The following AGBL1 variants were observed in gnomAD, a reference collection of about 807,000 sequenced individuals.
AGBL1 encodes AGBL carboxypeptidase 1, also known as cytosolic carboxypeptidase 4.
Under a neutral mutation model 118.9 loss-of-function variants are expected in AGBL1, and 130 were observed. The ratio of observed to expected loss-of-function variants is 1.09; its 90% CI spans 0.95 to 1.26. AGBL1 has a LOEUF of 1.26. AGBL1 is among the 50% of genes most tolerant of loss of function. The pLI is 0.00. For missense variants in AGBL1, 1,584 were observed against 1,298.1 expected, an observed-to-expected ratio of 1.22 and a Z score of -3.38; for synonymous variants, 555 against 478.9, an observed-to-expected ratio of 1.16 and a Z score of -2.08.
At chr15:86,894,795 C>T (rs545730482) in intron 22 of AGBL1, among the ~76,000 whole-genome samples, 3 of 152,244 alleles carry the variant, frequency 2.0e-5, no homozygotes, top group Admixed American at 2.0e-4. Context: ...ACAAAGTGCT[C>T]AAACAAGTTA....
At chr15:86,417,717 TA>T (rs1361877872) in intron 18 of AGBL1, among the ~76,000 whole-genome samples, 2 of 152,092 alleles carry the variant, frequency 1.3e-5, no homozygotes, top group African/African-American at 4.8e-5. Flanking sequence ...GTGTGTGCAG[TA>T]GAAGCAGGGA....
intron 18 of AGBL1, among the ~76,000 whole-genome samples, chr15:86,409,214 C>T (rs1028957343): frequency 1.1e-4 from 16 of 152,122 alleles, no homozygotes; most frequent in Admixed American, 6.5e-5. Flanking sequence ...TTGGTGCAAC[C>T]GTCCAAACCT....
intron 19 of AGBL1, among the ~76,000 whole-genome samples, chr15:86,524,488 A>G (rs796789312): frequency 1.3e-5 from 2 of 152,312 alleles, no homozygotes; most frequent in African/African-American, 4.8e-5. Flanking sequence ...CTCTCCAGCA[A>G]CAATATGGGT....
chr15:86,430,450 AC>A (rs538765052), intron 18 of AGBL1, among the ~76,000 whole-genome samples: 63 of 151,176 alleles, frequency 4.2e-4, no homozygotes, highest in Non-Finnish European at 6.9e-4. Flanking sequence ...AGCCGAGATC[AC>A]GCCACTGCAC....
At chr15:86,120,592 G>A (rs991796060) in intron 1 of AGBL1, among the ~76,000 whole-genome samples, 5 of 152,264 alleles carry the variant, frequency 3.3e-5, no homozygotes, top group Non-Finnish European at 4.4e-5. Context: ...AACAGCCTGC[G>A]CTTTTCTGTT....
intron 24 of AGBL1, among the ~76,000 whole-genome samples, chr15:87,002,155 A>C (rs1430845365): frequency 6.6e-6 from 1 of 152,034 alleles, no homozygotes; most frequent in African/African-American, 2.4e-5. Flanking sequence ...TAATTTTTGT[A>C]TAAGGTATAA....
At chr15:86,508,210 C>G (rs1006847806) in intron 18 of AGBL1, among the ~76,000 whole-genome samples, 1 of 151,972 alleles carries the variant, frequency 6.6e-6, no homozygotes, top group Non-Finnish European at 1.5e-5. Flanking sequence ...GCGTGAACCA[C>G]TGTGCCCCAC....
chr15:86,271,726 G>T lies in AGBL1; in HGVS notation c.2075+20G>T. On this transcript the variant is annotated intron_variant, in intron 15 of 22. Transcript: ENST00000614907. ...TTACAAGTAAGTTAGAGCGCTGTTAGCTTCCTTTTCTCTGTCCTGTAATTT... is the reference window on the plus strand; with the variant it reads ...TTACAAGTAAGTTAGAGCGCTGTTATCTTCCTTTTCTCTGTCCTGTAATTT... 5.0e-6 allele frequency: 8 copies of T among 1,587,956 alleles called. No individual in the cohort carries two copies. The highest frequency in any genetic ancestry group is 6.9e-6 in the Non-Finnish European group (8 of 1,156,488).
chr15:86,440,763 G>A (rs2082054519), intron 18 of AGBL1, among the ~76,000 whole-genome samples: 1 of 152,114 alleles, frequency 6.6e-6, no homozygotes. Flanking sequence ...AACACAATAG[G>A]AATGGAAACC....
At chr15:86,085,986 C>A (rs1895619533) in intron 1 of AGBL1, among the ~76,000 whole-genome samples, 1 of 152,164 alleles carries the variant, frequency 6.6e-6, no homozygotes, top group Non-Finnish European at 1.5e-5. Flanking sequence ...CCCACCTCTG[C>A]AGGGCAGAGG....
In AGBL1 at chr15:86,159,021, A is replaced by T. The variant is rs765414052; in HGVS notation, c.483A>T (p.Ala161=). 9 of 1,613,028 alleles carry T rather than the reference A, an allele frequency of 5.6e-6. No individual in the cohort carries two copies. The highest frequency in any genetic ancestry group is 7.6e-6 in the Non-Finnish European group (9 of 1,179,148). ...CTTACACCCGAAAGCGCACCCAAGCAATCAGGTACAGAGTGCCATGTAATA... is the reference window on the plus strand; with the variant it reads ...CTTACACCCGAAAGCGCACCCAAGCTATCAGGTACAGAGTGCCATGTAATA... ...ITPYTRKRTQ[A]IRAATEVLAA... The change falls in exon 5 of 23, where the codon GCA becomes GCT. Residue 161 remains alanine, a synonymous_variant. Coordinates refer to ENST00000614907, the MANE Select transcript of AGBL1 (RefSeq NM_001386094.1).
At chr15:86,769,299 G>C (rs1197354658) in intron 22 of AGBL1, among the ~76,000 whole-genome samples, 1 of 151,798 alleles carries the variant, frequency 6.6e-6, no homozygotes, top group African/African-American at 2.4e-5. Flanking sequence ...AGGAATGAGA[G>C]TTCTGTATCT....
chr15:86,834,449 A>G (rs1277180534), intron 22 of AGBL1, among the ~76,000 whole-genome samples: 1 of 152,198 alleles, frequency 6.6e-6, no homozygotes, highest in Non-Finnish European at 1.5e-5. Flanking sequence ...CAGAAATCAT[A>G]GCTGCCACCA....
At chr15:86,620,489 C>T (rs550466582) in intron 21 of AGBL1, among the ~76,000 whole-genome samples, 16 of 152,254 alleles carry the variant, frequency 1.1e-4, no homozygotes, top group African/African-American at 3.9e-4. Context: ...TATGCTATTC[C>T]ACACTTGTCT....
At chr15:86,833,814 G>A (rs1256588206) in intron 22 of AGBL1, among the ~76,000 whole-genome samples, 1 of 152,036 alleles carries the variant, frequency 6.6e-6, no homozygotes, top group Non-Finnish European at 1.5e-5. Flanking sequence ...AGATACATGG[G>A]TCCAGAAATC....
intron 22 of AGBL1, among the ~76,000 whole-genome samples, chr15:86,725,679 TAGG>T (rs2086808204): frequency 6.6e-6 from 1 of 152,212 alleles, no homozygotes; most frequent in Non-Finnish European, 1.5e-5. Context: ...TACTGGTAGG[TAGG>T]ACATGGGGTG....
chr15:86,231,864 G>A (rs1401931579), intron 6 of AGBL1, among the ~76,000 whole-genome samples: 3 of 152,202 alleles, frequency 2.0e-5, no homozygotes, highest in Non-Finnish European at 4.4e-5. Flanking sequence ...AATAAATACT[G>A]TCTAAGTATT....
chr15:86,523,812 C>T (rs2083223543), intron 19 of AGBL1, among the ~76,000 whole-genome samples: 1 of 152,110 alleles, frequency 6.6e-6, no homozygotes, highest in South Asian at 2.1e-4. Context: ...CTATTTGAAA[C>T]CAGAGGACTT....
At chr15:86,606,760 T>C (rs944651095) in intron 21 of AGBL1, among the ~76,000 whole-genome samples, 10 of 152,210 alleles carry the variant, frequency 6.6e-5, no homozygotes, top group African/African-American at 2.2e-4. Context: ...TCCCCTATTA[T>C]TAACATTTTG....
Sources: gnomAD v4.1 joint callset for allele counts (sites outside exome capture counted in the v4.1 genomes callset) on GRCh38, gnomAD v4.1.1 for gene constraint, MANE v1.5 for transcripts, NCBI Gene and HGNC (gene_info 2026-07-23, HGNC 2026-07-21) for gene names.